Variants in PSD3 observed in about 807,000 individuals in gnomAD.
PSD3 encodes pleckstrin and Sec7 domain containing 3, also known as PH and SEC7 domain-containing protein 3.
Under a neutral mutation model 105.5 loss-of-function variants are expected in PSD3, and 49 were observed. The observed-to-expected ratio is 0.46, with a 90% CI of 0.37 to 0.59. The LOEUF (loss-of-function observed/expected upper bound fraction) is 0.59. PSD3 is among the 20% of genes least tolerant of loss of function. The pLI is 0.00. For synonymous variants in PSD3, 557 were observed against 457.8 expected, an observed-to-expected ratio of 1.22 and a Z score of -2.77; for missense variants, 1,561 against 1,263.8, an observed-to-expected ratio of 1.24 and a Z score of -3.57.
intron 4 of PSD3, among the ~76,000 whole-genome samples, chr8:18,812,229 G>A (rs991533503): frequency 2.0e-5 from 3 of 152,174 alleles, no homozygotes; most frequent in African/African-American, 4.8e-5. Context: ...ATGATGAGGA[G>A]AGCTGTGTTT....
At chr8:18,852,932 T>G (rs1815710387) in intron 4 of PSD3, among the ~76,000 whole-genome samples, 1 of 152,116 alleles carries the variant, frequency 6.6e-6, no homozygotes, top group Admixed American at 6.5e-5. Context: ...CCACCCCTCA[T>G]GTTAGATACT....
At chr8:18,601,256 G>A (rs1472823223) in intron 11 of PSD3, among the ~76,000 whole-genome samples, 1 of 152,132 alleles carries the variant, frequency 6.6e-6, no homozygotes, top group Non-Finnish European at 1.5e-5. Context: ...CAATAGATTA[G>A]CAAAACAGTT....
At chr8:18,913,055 AAAC>A (rs1465510459) in intron 2 of PSD3, among the ~76,000 whole-genome samples, 3 of 148,950 alleles carry the variant, frequency 2.0e-5, no homozygotes, top group South Asian at 2.1e-4. Flanking sequence ...GGTTTAATCT[AAAC>A]AACTTTATAA....
chr8:18,744,879 T>C (rs1251146507), intron 9 of PSD3, among the ~76,000 whole-genome samples: 1 of 152,228 alleles, frequency 6.6e-6, no homozygotes, highest in Non-Finnish European at 1.5e-5. Flanking sequence ...TGGTGACAGT[T>C]CTTCAGTATT....
At chr8:18,544,783 C>T (rs773949130) in intron 15 of PSD3, among the ~76,000 whole-genome samples, 65 of 152,162 alleles carry the variant, frequency 4.3e-4, no homozygotes, top group African/African-American at 1.4e-3. Flanking sequence ...TCCCACACCT[C>T]GCCCCAGGAA....
chr8:18,953,615 G>A (rs1389875079), intron 1 of PSD3, among the ~76,000 whole-genome samples: 1 of 152,028 alleles, frequency 6.6e-6, no homozygotes, highest in African/African-American at 2.4e-5. Context: ...TGGGCGTGGT[G>A]GCAGGCATCT....
intron 12 of PSD3, among the ~76,000 whole-genome samples, chr8:18,588,976 G>A (rs1803399363): frequency 6.6e-6 from 1 of 152,198 alleles, no homozygotes; most frequent in African/African-American, 2.4e-5. Context: ...TTTTGCCAAA[G>A]GCAGCTATGC....
At chr8:18,602,544 C>G (rs537514373) in intron 11 of PSD3, among the ~76,000 whole-genome samples, 3 of 152,224 alleles carry the variant, frequency 2.0e-5, no homozygotes, top group Admixed American at 2.0e-4. Flanking sequence ...AACTAGGGAG[C>G]AATTATTCAA....
intron 8 of PSD3, among the ~76,000 whole-genome samples, chr8:18,768,655 A>G (rs774377866): frequency 3.3e-5 from 5 of 152,108 alleles, no homozygotes; most frequent in Admixed American, 6.5e-5. Context: ...TCAAAGACAG[A>G]TTTGCCTGAG....
chr8:18,645,683 AAC>A (rs1433027581), intron 10 of PSD3, among the ~76,000 whole-genome samples: 1 of 152,198 alleles, frequency 6.6e-6, no homozygotes, highest in Non-Finnish European at 1.5e-5. Flanking sequence ...AGTACAGTGA[AAC>A]AGAGAGCAAT....
At chr8:18,663,236 A>G (rs1809488367) in intron 9 of PSD3, among the ~76,000 whole-genome samples, 1 of 152,002 alleles carries the variant, frequency 6.6e-6, no homozygotes, top group Non-Finnish European at 1.5e-5. Context: ...AAACCAGCCT[A>G]GCCAACGTGG....
chr8:19,074,794 G>A (rs146280236), intron 1 of PSD3, among the ~76,000 whole-genome samples: 12,902 of 150,496 alleles, frequency 0.086, 678 homozygotes, highest in Middle Eastern at 0.17. Context: ...CTAATTTTTT[G>A]TATTTTTAGT....
chr8:18,866,090 T>A (rs955096405), intron 4 of PSD3, among the ~76,000 whole-genome samples: 5 of 152,160 alleles, frequency 3.3e-5, no homozygotes, highest in Non-Finnish European at 5.9e-5. Flanking sequence ...CCATGTTTGG[T>A]CTGTAATATA....
chr8:18,646,226 G>T (rs1393983985), intron 10 of PSD3, among the ~76,000 whole-genome samples: 1 of 152,012 alleles, frequency 6.6e-6, no homozygotes. Flanking sequence ...TCATTTTAAA[G>T]TTCCCTCATA....
intron 11 of PSD3, among the ~76,000 whole-genome samples, chr8:18,628,350 A>G (rs1806644723): frequency 6.6e-6 from 1 of 151,984 alleles, no homozygotes; most frequent in Non-Finnish European, 1.5e-5. Context: ...AGAAAAAGCC[A>G]TCTTGGGTGC....
intron 10 of PSD3, among the ~76,000 whole-genome samples, chr8:18,641,600 T>C (rs976295293): frequency 6.6e-6 from 1 of 152,194 alleles, no homozygotes; most frequent in Non-Finnish European, 1.5e-5. Flanking sequence ...CGGTGGTTGT[T>C]ACACAAGTGT....
intron 9 of PSD3, among the ~76,000 whole-genome samples, chr8:18,687,838 C>G (rs1460750685): frequency 1.3e-5 from 2 of 152,084 alleles, no homozygotes; most frequent in Non-Finnish European, 2.9e-5. Context: ...ATGATCTTGG[C>G]TGACTGTAAC....
intron 9 of PSD3, among the ~76,000 whole-genome samples, chr8:18,752,694 A>G (rs1227843481): frequency 3.3e-5 from 4 of 120,648 alleles, no homozygotes; most frequent in African/African-American, 9.4e-5. Flanking sequence ...ATCATATATG[A>G]TATAATATAT....
intron 9 of PSD3, among the ~76,000 whole-genome samples, chr8:18,697,201 T>C (rs1042312125): frequency 3.7e-4 from 56 of 152,310 alleles, no homozygotes; most frequent in Non-Finnish European, 1.2e-4. Context: ...CCAGAATATC[T>C]CAATTTGGAC....
Sources: gnomAD v4.1 joint callset for allele counts (sites outside exome capture counted in the v4.1 genomes callset) on GRCh38, gnomAD v4.1.1 for gene constraint, MANE v1.5 for transcripts, NCBI Gene and HGNC (gene_info 2026-07-23, HGNC 2026-07-21) for gene names.